PCGF5: variants seen among roughly 807,000 people sequenced by gnomAD.
The protein encoded by PCGF5 is polycomb group RING finger protein 5.
A neutral mutation model predicts 44.3 loss-of-function variants in PCGF5; 9 were observed. That is an observed-to-expected ratio of 0.20 (90% CI 0.12 to 0.35). The LOEUF (loss-of-function observed/expected upper bound fraction) is 0.35. Ranked by LOEUF, PCGF5 falls within the 10% of genes least tolerant of loss-of-function variation. PCGF5 has a pLI of 1.00. For missense variants in PCGF5, 146 were observed against 305.3 expected (o/e 0.48, Z 3.89); for synonymous variants, 95 against 102.5 (o/e 0.93, Z 0.44).
At chr10:91,227,704 G>T (rs1277811841) in intron 2 of PCGF5, 1 of 1,048,044 alleles carries the variant, frequency 9.5e-7, no homozygotes, top group African/African-American at 1.7e-5. Flanking sequence ...GTATCCCGTT[G>T]ACCTCAGGAT....
chr10:91,232,085 G>A (rs1464050916), intron 2 of PCGF5, among the ~76,000 whole-genome samples: 1 of 152,214 alleles, frequency 6.6e-6, no homozygotes, highest in East Asian at 1.9e-4. Flanking sequence ...GGAGAAATCA[G>A]TGAGATAGGA....
At chr10:91,226,204 A>C (rs1003947506) in intron 2 of PCGF5, among the ~76,000 whole-genome samples, 2 of 149,712 alleles carry the variant, frequency 1.3e-5, no homozygotes, top group East Asian at 2.1e-4. Flanking sequence ...ATGAAGCTTT[A>C]TAATTGGTGT....
intron 2 of PCGF5, among the ~76,000 whole-genome samples, chr10:91,223,639 C>T (rs574292964): frequency 2.6e-5 from 4 of 152,334 alleles, no homozygotes; most frequent in South Asian, 2.1e-4. Flanking sequence ...CAAGATTACA[C>T]ATACTCTTTG....
intron 1 of PCGF5, among the ~76,000 whole-genome samples, chr10:91,215,120 G>A (rs1374445931): frequency 6.6e-6 from 1 of 152,206 alleles, no homozygotes; most frequent in African/African-American, 2.4e-5. Flanking sequence ...TTTTTGGGAA[G>A]TGAAATATCA....
upstream of PCGF5, among the ~76,000 whole-genome samples, chr10:91,216,997 C>T (rs1844553061): frequency 6.6e-6 from 1 of 152,030 alleles, no homozygotes; most frequent in African/African-American, 2.4e-5. Context: ...AAATATTAAA[C>T]AGCATTCTTA....
chr10:91,257,932 A>C (rs1024001792), intron 6 of PCGF5, among the ~76,000 whole-genome samples: 2 of 152,186 alleles, frequency 1.3e-5, no homozygotes, highest in Non-Finnish European at 2.9e-5. Context: ...TGAATGGAAA[A>C]GCAGAATGAA....
intron 1 of PCGF5, among the ~76,000 whole-genome samples, chr10:91,205,264 C>CT: frequency 6.7e-6 from 1 of 149,484 alleles, no homozygotes; most frequent in East Asian, 1.9e-4. Flanking sequence ...AACGATTTTT[C>CT]TTTTTTCTGG....
At chr10:91,159,127 T>C (rs991839478), upstream of PCGF5, among the ~76,000 whole-genome samples, 2 of 152,144 alleles carry the variant, frequency 1.3e-5, no homozygotes, top group Admixed American at 6.5e-5. Context: ...ACAGATGGTG[T>C]TAAACAAGCA....
chr10:91,181,528 G>A (rs1231218502), intron 1 of PCGF5, among the ~76,000 whole-genome samples: 1 of 152,118 alleles, frequency 6.6e-6, no homozygotes, highest in African/African-American at 2.4e-5. Flanking sequence ...TTTGAGGTAT[G>A]TTCCTTCAAT....
intron 1 of PCGF5, among the ~76,000 whole-genome samples, chr10:91,175,201 G>T (rs1321411506): frequency 6.6e-6 from 1 of 152,136 alleles, no homozygotes; most frequent in African/African-American, 2.4e-5. Context: ...ACAGAGACTG[G>T]ACATGTTTTT....
At chr10:91,215,099 C>G (rs992054501) in intron 1 of PCGF5, among the ~76,000 whole-genome samples, 1 of 152,160 alleles carries the variant, frequency 6.6e-6, no homozygotes, top group Non-Finnish European at 1.5e-5. Context: ...ATAAGCATCA[C>G]CCTCCTAACA....
At chr10:91,181,607 T>G (rs1433274563) in intron 1 of PCGF5, among the ~76,000 whole-genome samples, 2 of 152,218 alleles carry the variant, frequency 1.3e-5, no homozygotes, top group Non-Finnish European at 2.9e-5. Context: ...TCTGCATCTA[T>G]TGAGTTAATT....
chr10:91,235,022 G>A (rs1845120787), intron 2 of PCGF5, among the ~76,000 whole-genome samples: 1 of 152,156 alleles, frequency 6.6e-6, no homozygotes, highest in African/African-American at 2.4e-5. Flanking sequence ...GACTTCTGAT[G>A]ATGGTTTAGC....
At chr10:91,226,988 G>C (rs967541919) in intron 2 of PCGF5, among the ~76,000 whole-genome samples, 1 of 151,892 alleles carries the variant, frequency 6.6e-6, no homozygotes, top group South Asian at 2.1e-4. Flanking sequence ...CTTAATACTA[G>C]ATGAACTAAA....
intron 2 of PCGF5, among the ~76,000 whole-genome samples, chr10:91,226,822 A>G (rs1281894627): frequency 1.3e-5 from 2 of 152,206 alleles, no homozygotes; most frequent in African/African-American, 4.8e-5. Context: ...ATTTGATGAC[A>G]TGATCAAATC....
intron 1 of PCGF5, among the ~76,000 whole-genome samples, chr10:91,178,147 G>C (rs191409950): frequency 8.5e-5 from 13 of 152,192 alleles, no homozygotes; most frequent in African/African-American, 3.1e-4. Context: ...TGCAATGTAG[G>C]CTGGGAAAAA....
intron 1 of PCGF5, among the ~76,000 whole-genome samples, chr10:91,193,808 C>A (rs1453038637): frequency 6.6e-6 from 1 of 151,964 alleles, no homozygotes; most frequent in Non-Finnish European, 1.5e-5. Context: ...AGCAGGGAGA[C>A]CAATTAGGAA....
intron 2 of PCGF5, chr10:91,227,427 C>T (rs919946472): frequency 1.3e-5 from 17 of 1,289,374 alleles, no homozygotes; most frequent in Admixed American, 4.6e-5. Context: ...TGCCAGCACT[C>T]AGTTATCCAA....
intron 1 of PCGF5, among the ~76,000 whole-genome samples, chr10:91,190,417 A>G (rs759248421): frequency 5.9e-5 from 9 of 152,156 alleles, no homozygotes; most frequent in Admixed American, 1.3e-4. Flanking sequence ...TGTGTCGCTA[A>G]AGGTCTGTGG....
Sources: allele counts gnomAD v4.1 joint callset (sites outside exome capture counted in the v4.1 genomes callset), GRCh38; gene constraint gnomAD v4.1.1; transcripts MANE v1.5; gene names NCBI Gene and HGNC (gene_info 2026-07-23, HGNC 2026-07-21).